The following RORA variants were observed in gnomAD, a reference collection of about 807,000 sequenced individuals.
RORA encodes nuclear receptor ROR-alpha.
In RORA, 7 loss-of-function variants were observed where a neutral mutation model predicts 69.5. The observed-to-expected ratio is 0.10, with a 90% CI of 0.06 to 0.19. The LOEUF is 0.19. Ranked by LOEUF, RORA falls within the 10% of genes least tolerant of loss-of-function variation. RORA has a pLI of 1.00. For missense variants in RORA, 457 were observed against 663.0 expected, an observed-to-expected ratio of 0.69 and a Z score of 3.41; for synonymous variants, 261 against 240.8, an observed-to-expected ratio of 1.08 and a Z score of -0.78.
intron 1 of RORA, among the ~76,000 whole-genome samples, chr15:60,715,288 T>A (rs1023239786): frequency 6.6e-6 from 1 of 152,196 alleles, no homozygotes; most frequent in Non-Finnish European, 1.5e-5. Flanking sequence ...TGGATAAGAA[T>A]CTTAGTGGTG....
At chr15:60,560,916 G>T (rs1003732272) in intron 2 of RORA, among the ~76,000 whole-genome samples, 2 of 152,038 alleles carry the variant, frequency 1.3e-5, no homozygotes, top group Non-Finnish European at 2.9e-5. Context: ...AAAACATATT[G>T]TCTTCACTGC....
chr15:61,177,814 T>G (rs1401337600), intron 1 of RORA, among the ~76,000 whole-genome samples: 2 of 151,162 alleles, frequency 1.3e-5, no homozygotes, highest in African/African-American at 2.4e-5. Flanking sequence ...TACAAAAAAT[T>G]AGCCAAGTGT....
At chr15:60,650,659 G>A (rs2070129572) in intron 2 of RORA, 1 of 152,200 alleles carries the variant, frequency 6.6e-6, no homozygotes, top group Non-Finnish European at 1.5e-5. Context: ...CCAATTTGCG[G>A]AGCCCTCGTG....
intron 1 of RORA, among the ~76,000 whole-genome samples, chr15:60,930,792 T>C (rs1375726849): frequency 6.6e-6 from 1 of 152,174 alleles, no homozygotes; most frequent in Non-Finnish European, 1.5e-5. Flanking sequence ...TGCTCACCTG[T>C]AGACTTTGAG....
At chr15:60,846,855 C>T (rs1333058153) in intron 1 of RORA, among the ~76,000 whole-genome samples, 1 of 152,188 alleles carries the variant, frequency 6.6e-6, no homozygotes, top group Non-Finnish European at 1.5e-5. Context: ...TTCTCACATA[C>T]TAGACTTTAT....
rs143856990 is a variant in RORA, at chr15:61,158,776, G to C, written c.166+70277C>G. Among the ~76,000 whole-genome samples, 497 of 152,286 alleles carry C rather than the reference G, an allele frequency of 3.3e-3. 5 individuals are homozygous for C. The highest frequency in any genetic ancestry group is 0.012 in the African/African-American group (483 of 41,540). ...ATTTGATGAAAGACTGTGCACTTTG[G>C]AGAATAAAATGGCTCTGTTCCTCTT... On this transcript the variant is annotated intron_variant, in intron 1 of 10. Coordinates refer to ENST00000335670, the MANE Select transcript of RORA (RefSeq NM_134261.3).
intron 1 of RORA, among the ~76,000 whole-genome samples, chr15:60,961,460 G>A (rs1489841582): frequency 6.6e-6 from 1 of 152,176 alleles, no homozygotes; most frequent in Non-Finnish European, 1.5e-5. Context: ...AGAAGAAAAT[G>A]TTTATCACCC....
intron 8 of RORA, among the ~76,000 whole-genome samples, chr15:60,501,366 G>T (rs2065326586): frequency 6.6e-6 from 1 of 152,180 alleles, no homozygotes; most frequent in Non-Finnish European, 1.5e-5. Flanking sequence ...AACTTTTGTT[G>T]TGTGACTACT....
chr15:60,714,684 G>C (rs1412326982), intron 1 of RORA, among the ~76,000 whole-genome samples: 1 of 152,092 alleles, frequency 6.6e-6, no homozygotes, highest in Non-Finnish European at 1.5e-5. Context: ...TTTTAAAGAA[G>C]GATTTTTCTT....
chr15:61,034,788 C>CAAAAA (rs33933996), intron 1 of RORA, among the ~76,000 whole-genome samples: 2 of 82,938 alleles, frequency 2.4e-5, no homozygotes, highest in Admixed American at 1.3e-4. Context: ...CATCACAGAC[C>CAAAAA]AAAAAAAAAA....
chr15:60,949,336 T>C (rs539969785), intron 1 of RORA, among the ~76,000 whole-genome samples: 8 of 152,314 alleles, frequency 5.3e-5, no homozygotes, highest in African/African-American at 1.9e-4. Context: ...AGGCTGTTTA[T>C]CAGCACTGCT....
intron 1 of RORA, among the ~76,000 whole-genome samples, chr15:61,215,115 C>T (rs1219660902): frequency 2.1e-5 from 3 of 144,596 alleles, no homozygotes; most frequent in African/African-American, 7.7e-5. Flanking sequence ...GAACTCATGA[C>T]CTCGTGATCC....
chr15:60,960,458 A>G (rs1267592480), intron 1 of RORA, among the ~76,000 whole-genome samples: 1 of 152,156 alleles, frequency 6.6e-6, no homozygotes, highest in African/African-American at 2.4e-5. Context: ...CATCTGATTA[A>G]AAAGAAAATA....
At chr15:61,220,098 A>G (rs753269151) in intron 1 of RORA, among the ~76,000 whole-genome samples, 1 of 152,262 alleles carries the variant, frequency 6.6e-6, no homozygotes, top group African/African-American at 2.4e-5. Flanking sequence ...AAAGCACGTG[A>G]TGAGTGCCAG....
At chr15:60,781,109 T>C (rs2072246522) in intron 1 of RORA, among the ~76,000 whole-genome samples, 2 of 152,160 alleles carry the variant, frequency 1.3e-5, no homozygotes, top group African/African-American at 4.8e-5. Context: ...ATCAAACATA[T>C]ACATCCGCCT....
intron 1 of RORA, among the ~76,000 whole-genome samples, chr15:60,980,000 T>A (rs1452694795): frequency 1.3e-5 from 2 of 152,204 alleles, no homozygotes; most frequent in Admixed American, 6.5e-5. Flanking sequence ...TTAAGTATGA[T>A]GTTAGCTGTG....
chr15:61,090,885 C>T (rs1368955111), intron 1 of RORA, among the ~76,000 whole-genome samples: 1 of 151,964 alleles, frequency 6.6e-6, no homozygotes, highest in East Asian at 1.9e-4. Flanking sequence ...ACCACCTCGA[C>T]ACACGCAGTC....
chr15:60,787,587 T>C (rs919228013), intron 1 of RORA, among the ~76,000 whole-genome samples: 8 of 152,320 alleles, frequency 5.3e-5, no homozygotes, highest in Non-Finnish European at 8.8e-5. Flanking sequence ...CTGCAACCCA[T>C]ACTGAGCACT....
At chr15:61,166,145 G>A (rs1392994809) in intron 1 of RORA, among the ~76,000 whole-genome samples, 1 of 152,038 alleles carries the variant, frequency 6.6e-6, no homozygotes, top group Non-Finnish European at 1.5e-5. Context: ...AAAGACTGAT[G>A]CCATCTTTCA....
Sources: gnomAD v4.1 joint callset for allele counts (sites outside exome capture counted in the v4.1 genomes callset) on GRCh38, gnomAD v4.1.1 for gene constraint, MANE v1.5 for transcripts, NCBI Gene and HGNC (gene_info 2026-07-23, HGNC 2026-07-21) for gene names.